Variants in IL1RAPL2 observed in about 807,000 individuals in gnomAD.
The protein encoded by IL1RAPL2 is X-linked interleukin-1 receptor accessory protein-like 2.
Under a neutral mutation model 44.1 loss-of-function variants are expected in IL1RAPL2, and 3 were observed. The ratio of observed to expected loss-of-function variants is 0.07; its 90% CI spans 0.03 to 0.18. The LOEUF is 0.18. IL1RAPL2 is among the 10% of genes least tolerant of loss of function. The probability of loss-of-function intolerance (pLI) is 1.00; values close to 1 mark genes in which losing one functional copy is unlikely to be tolerated. For missense variants in IL1RAPL2, 391 were observed against 496.4 expected (o/e 0.79, Z 2.02); for synonymous variants, 181 against 178.8 (o/e 1.01, Z -0.10).
At chrX:104,943,791 A>C (rs145022468) in intron 2 of IL1RAPL2, among the ~76,000 whole-genome samples, 2,907 of 111,824 alleles carry the variant, frequency 0.026, 49 homozygotes, top group Non-Finnish European at 0.04. Flanking sequence ...TATCATGTTC[A>C]TTTTAAACTG....
rs758098198 is a variant in IL1RAPL2 at position 105,528,878 on chromosome X, C to A, written c.772+44491C>A. ...AATAATATTTTTCTGATCCGGAATC[C>A]AAGCAAAGATCATGCATTCCATTTA... On this transcript the variant is annotated intron_variant, in intron 6 of 10. Coordinates refer to ENST00000372582, the MANE Select transcript of IL1RAPL2 (RefSeq NM_017416.2). 1.2e-4 allele frequency among the ~76,000 whole-genome samples: 13 copies of A among 111,395 alleles called. No homozygotes were observed. The South Asian group carries it at 4.0e-3, about 35-fold the overall frequency.
intron 2 of IL1RAPL2, among the ~76,000 whole-genome samples, chrX:104,901,862 A>G (rs1428713747): frequency 8.9e-6 from 1 of 111,916 alleles, no homozygotes. Flanking sequence ...CAATGTGTGT[A>G]TAGTATTTGT....
At chrX:104,973,944 T>A (rs1602862719) in intron 2 of IL1RAPL2, among the ~76,000 whole-genome samples, 1 of 112,249 alleles carries the variant, frequency 8.9e-6, no homozygotes, top group Non-Finnish European at 1.9e-5. Flanking sequence ...TCTCTCTTTT[T>A]TACACATTTG....
intron 6 of IL1RAPL2, among the ~76,000 whole-genome samples, chrX:105,520,381 G>A (rs1041438308): frequency 8.9e-6 from 1 of 111,885 alleles, no homozygotes; most frequent in African/African-American, 3.2e-5. Context: ...TTTTGAAATT[G>A]TTTTTCAAAG....
intron 1 of IL1RAPL2, among the ~76,000 whole-genome samples, chrX:104,633,997 C>G (rs1929724316): frequency 9.0e-6 from 1 of 110,604 alleles, no homozygotes; most frequent in African/African-American, 3.3e-5. Context: ...ATAAATTTCC[C>G]TCTACACACT....
intron 6 of IL1RAPL2, among the ~76,000 whole-genome samples, chrX:105,615,338 C>G: frequency 9.0e-6 from 1 of 111,564 alleles, no homozygotes; most frequent in Non-Finnish European, 1.9e-5. Flanking sequence ...TGTACAGAAC[C>G]AAGAGAAATA....
At chrX:105,035,713 A>G (rs1244687132) in intron 2 of IL1RAPL2, among the ~76,000 whole-genome samples, 1 of 112,578 alleles carries the variant, frequency 8.9e-6, no homozygotes, top group Non-Finnish European at 1.9e-5. Context: ...ATAAAATATT[A>G]AAAAGGATTT....
chrX:105,120,494 A>G (rs2032912374), intron 2 of IL1RAPL2, among the ~76,000 whole-genome samples: 1 of 111,179 alleles, frequency 9.0e-6, no homozygotes. Flanking sequence ...TTGGAGTGGA[A>G]GCCAAAACTG....
chrX:104,807,625 A>AGAC (rs1027792167), intron 2 of IL1RAPL2, among the ~76,000 whole-genome samples: 3 of 111,744 alleles, frequency 2.7e-5, no homozygotes, highest in African/African-American at 9.7e-5. Flanking sequence ...TCAACCCCCC[A>AGAC]GACGATCACG....
At chrX:105,379,233 A>C (rs2035411051) in intron 5 of IL1RAPL2, among the ~76,000 whole-genome samples, 1 of 111,375 alleles carries the variant, frequency 9.0e-6, no homozygotes, top group Non-Finnish European at 1.9e-5. Context: ...TCATGGAGGG[A>C]GTGACCTTGA....
At position 104,898,708 on chromosome X, in the gene IL1RAPL2, A is replaced by G. The variant is rs780384112; in HGVS notation, c.82+239713A>G. ...TTTCCCATGAAAGCTTTTAATAGCCATCCACAAAACTTTTCTTGGATTCTT... is the reference window on the plus strand; with the variant it reads ...TTTCCCATGAAAGCTTTTAATAGCCGTCCACAAAACTTTTCTTGGATTCTT... On this transcript the variant is annotated intron_variant, in intron 2 of 10. Coordinates refer to ENST00000372582, the MANE Select transcript of IL1RAPL2 (RefSeq NM_017416.2). Among the ~76,000 whole-genome samples, 169 of 112,446 alleles carry G rather than the reference A, an allele frequency of 1.5e-3. 13 individuals are homozygous for G. Among genetic ancestry groups the G allele is most frequent in the Non-Finnish European group, 5.1e-4 (27 of 53,280 alleles).
At chrX:105,591,339 C>A (rs1036883314) in intron 6 of IL1RAPL2, among the ~76,000 whole-genome samples, 1 of 109,459 alleles carries the variant, frequency 9.1e-6, no homozygotes, top group Non-Finnish European at 1.9e-5. Context: ...CGGGATCTAT[C>A]AATCTTATTT....
At chrX:105,319,302 C>T (rs948885173) in intron 5 of IL1RAPL2, among the ~76,000 whole-genome samples, 2 of 111,829 alleles carry the variant, frequency 1.8e-5, no homozygotes, top group Non-Finnish European at 3.8e-5. Flanking sequence ...CGTAGCTTGT[C>T]GAATTGCATG....
intron 6 of IL1RAPL2, among the ~76,000 whole-genome samples, chrX:105,625,462 T>C (rs1230595036): frequency 8.9e-6 from 1 of 112,263 alleles, no homozygotes; most frequent in East Asian, 2.8e-4. Context: ...TCACAACAAC[T>C]AGCCCTTTTA....
chrX:104,922,117 C>T (rs1372413598), intron 2 of IL1RAPL2, among the ~76,000 whole-genome samples: 1 of 112,129 alleles, frequency 8.9e-6, no homozygotes, highest in Non-Finnish European at 1.9e-5. Context: ...CCAGTTTTGC[C>T]CCCTCCAGCC....
At chrX:105,189,459 G>A (rs2033617050) in intron 2 of IL1RAPL2, among the ~76,000 whole-genome samples, 1 of 111,930 alleles carries the variant, frequency 8.9e-6, no homozygotes, top group Non-Finnish European at 1.9e-5. Flanking sequence ...TCGTACTCCT[G>A]GCCTCAAGTG....
At chrX:104,733,356 C>G (rs373312205) in intron 2 of IL1RAPL2, among the ~76,000 whole-genome samples, 12 of 110,960 alleles carry the variant, frequency 1.1e-4, no homozygotes, top group Non-Finnish European at 1.9e-5. Context: ...CTTTGCGAGG[C>G]CGAGGTGGGC....
intron 2 of IL1RAPL2, among the ~76,000 whole-genome samples, chrX:104,879,364 G>GAAAAAAAAAAAAAAAAAAAAAAAA (rs1922996722): frequency 7.3e-5 from 1 of 13,713 alleles, no homozygotes; most frequent in African/African-American, 9.0e-4. Flanking sequence ...AGCAAAACTA[G>GAAAAAAAAAAAAAAAAAAAAAAAA]TAAAAAAAAA....
Position 104,819,175 on chromosome X carries a change from C to T in IL1RAPL2, c.82+160180C>T, listed in dbSNP as rs773748063. Among the ~76,000 whole-genome samples the T allele has an allele frequency of 8.9e-5, 10 of 112,233 alleles. No homozygotes were observed. In the East Asian group the frequency reaches 2.8e-3, roughly 31 times the overall value. On this transcript the variant is annotated intron_variant, in intron 2 of 10. Transcript: ENST00000372582. ...TGCTTCTCAATTTACAATAGGATTA[C>T]GTCCAGATAAACCAATCGTAAATTG...
Sources: gnomAD v4.1 joint callset for allele counts (sites outside exome capture counted in the v4.1 genomes callset) on GRCh38, gnomAD v4.1.1 for gene constraint, MANE v1.5 for transcripts, NCBI Gene and HGNC (gene_info 2026-07-23, HGNC 2026-07-21) for gene names.